The following GPC6 variants were observed in gnomAD, a reference collection of about 807,000 sequenced individuals.
GPC6 encodes the protein glypican 6.
GPC6 carries 14 observed loss-of-function variants against 55.2 expected under a neutral mutation model. The observed-to-expected ratio is 0.25, with a 90% CI of 0.17 to 0.40. The LOEUF (loss-of-function observed/expected upper bound fraction) is 0.40, where lower values mean the gene tolerates loss of function less well. Among genes scored for constraint, GPC6 ranks in the 10% least tolerant of loss-of-function variants. The pLI, the probability that GPC6 is intolerant of heterozygous loss-of-function variation, is 1.00. For synonymous variants in GPC6, 278 were observed against 259.6 expected (o/e 1.07, Z -0.68); for missense variants, 641 against 708.5 (o/e 0.90, Z 1.08).
At chr13:93,342,472 C>A (rs1181136963) in intron 1 of GPC6, among the ~76,000 whole-genome samples, 1 of 152,100 alleles carries the variant, frequency 6.6e-6, no homozygotes, top group Admixed American at 6.5e-5. Flanking sequence ...ATAAGACTTA[C>A]TCACTATCAT....
In GPC6 at chr13:94,125,633, G is replaced by A. The variant is rs149870909; in HGVS notation, c.877+97739G>A. 3.2e-3 allele frequency among the ~76,000 whole-genome samples: 480 copies of A among 152,194 alleles called. 6 individuals carry two copies. Among genetic ancestry groups the A allele is most frequent in the African/African-American group, 0.011 (456 of 41,534 alleles). ...GGAGCAAACCACCCAGGAGAGACCT[G>A]CACTGCTGGCCCAGCCAGGCTGATT... On this transcript the variant is annotated intron_variant, in intron 4 of 8. Coordinates refer to ENST00000377047, the MANE Select transcript of GPC6 (RefSeq NM_005708.5).
At chr13:93,848,086 T>A (rs1179405964) in intron 3 of GPC6, among the ~76,000 whole-genome samples, 1 of 152,162 alleles carries the variant, frequency 6.6e-6, no homozygotes, top group African/African-American at 2.4e-5. Flanking sequence ...CAGCATCCCA[T>A]AATCTTAGCT....
At position 94,218,035 on chromosome 13, in the gene GPC6, G is replaced by T. The variant is rs147273090; in HGVS notation, c.878-68314G>T. 2.6e-3 allele frequency among the ~76,000 whole-genome samples: 395 copies of T among 152,246 alleles called. 3 individuals are homozygous for T. The highest frequency in any genetic ancestry group is 9.1e-3 in the African/African-American group (380 of 41,564). On this transcript the variant is annotated intron_variant, in intron 4 of 8. Transcript: ENST00000377047. ...AATTTAAACACAAGCATGTGGTAAT[G>T]GTTCTATATTGAATTTTAACTCTGA...
rs1275978586 is a variant in GPC6 at position 93,567,707 on chromosome 13, A to G, written c.319+22286A>G. On this transcript the variant is annotated intron_variant, in intron 2 of 8. Coordinates refer to ENST00000377047, the MANE Select transcript of GPC6 (RefSeq NM_005708.5). ...CTTTTAGATTAGAAATTTATATTTC[A>G]GTACATTGCTTCTGAGATAAACTTG... Among the ~76,000 whole-genome samples, 3 of 152,232 alleles carry G rather than the reference A, an allele frequency of 2.0e-5. No homozygotes were observed. The East Asian group carries it at 5.8e-4, about 29-fold the overall frequency.
intron 4 of GPC6, among the ~76,000 whole-genome samples, chr13:94,215,392 A>C (rs1477633262): frequency 6.6e-6 from 1 of 152,202 alleles, no homozygotes; most frequent in African/African-American, 2.4e-5. Flanking sequence ...GTGAGCAGAC[A>C]CACTTGCCCT....
intron 2 of GPC6, among the ~76,000 whole-genome samples, chr13:93,667,712 A>G (rs1176978170): frequency 1.4e-5 from 2 of 138,202 alleles, no homozygotes; most frequent in Non-Finnish European, 3.0e-5. Context: ...ATAGGTGTAA[A>G]CCACCACACC....
chr13:93,523,382 T>A (rs1464608520), intron 1 of GPC6, among the ~76,000 whole-genome samples: 1 of 78,400 alleles, frequency 1.3e-5, no homozygotes, highest in African/African-American at 5.3e-5. Flanking sequence ...TATATGTATG[T>A]ATGTGTATAT....
intron 4 of GPC6, among the ~76,000 whole-genome samples, chr13:94,185,098 C>A (rs1234389908): frequency 6.6e-6 from 1 of 151,930 alleles, no homozygotes; most frequent in Non-Finnish European, 1.5e-5. Flanking sequence ...ATTGAGCACC[C>A]ATGGACATAA....
At chr13:93,548,578 G>A (rs1377027893) in intron 2 of GPC6, among the ~76,000 whole-genome samples, 2 of 152,020 alleles carry the variant, frequency 1.3e-5, no homozygotes, top group Non-Finnish European at 1.5e-5. Context: ...TCTATTTATT[G>A]TCTTACTTTC....
intron 2 of GPC6, among the ~76,000 whole-genome samples, chr13:93,816,729 A>G (rs2138958748): frequency 6.6e-6 from 1 of 152,114 alleles, no homozygotes; most frequent in Non-Finnish European, 1.5e-5. Flanking sequence ...GTACAGAGGA[A>G]AAAAAAACAC....
At chr13:93,773,972 T>C (rs1338824079) in intron 2 of GPC6, among the ~76,000 whole-genome samples, 1 of 152,140 alleles carries the variant, frequency 6.6e-6, no homozygotes, top group Non-Finnish European at 1.5e-5. Flanking sequence ...TAAGAAGACA[T>C]GTTGAGATCA....
chr13:94,128,467 C>A (rs1273079100), intron 4 of GPC6, among the ~76,000 whole-genome samples: 3 of 152,112 alleles, frequency 2.0e-5, no homozygotes, highest in Non-Finnish European at 4.4e-5. Flanking sequence ...GCATTACATG[C>A]CTAATATGAG....
At chr13:94,051,709 A>T (rs970474397) in intron 4 of GPC6, among the ~76,000 whole-genome samples, 1 of 152,206 alleles carries the variant, frequency 6.6e-6, no homozygotes, top group South Asian at 2.1e-4. Context: ...CATTAAAAAA[A>T]GGATAACAAT....
chr13:94,146,115 G>A (rs550474888), intron 4 of GPC6, among the ~76,000 whole-genome samples: 4 of 152,258 alleles, frequency 2.6e-5, no homozygotes, highest in East Asian at 1.9e-4. Flanking sequence ...GTGGAAGCTC[G>A]CAGTGTGATC....
chr13:93,329,247 T>C (rs945399751), intron 1 of GPC6, among the ~76,000 whole-genome samples: 1 of 152,190 alleles, frequency 6.6e-6, no homozygotes, highest in African/African-American at 2.4e-5. Context: ...AAAATTTTCT[T>C]TCTTTCCCTT....
intron 2 of GPC6, among the ~76,000 whole-genome samples, chr13:93,561,677 ACT>A (rs1875819619): frequency 1.3e-5 from 2 of 151,484 alleles, no homozygotes; most frequent in Admixed American, 6.6e-5. Context: ...ACTTAGAAAG[ACT>A]CTCTAGTTTG....
At chr13:93,341,127 T>C (rs1161792787) in intron 1 of GPC6, among the ~76,000 whole-genome samples, 1 of 152,248 alleles carries the variant, frequency 6.6e-6, no homozygotes, top group Non-Finnish European at 1.5e-5. Context: ...GGTGTATATA[T>C]AGCACATTTT....
intron 4 of GPC6, among the ~76,000 whole-genome samples, chr13:94,049,395 C>T (rs1405133745): frequency 6.6e-6 from 1 of 152,074 alleles, no homozygotes; most frequent in Non-Finnish European, 1.5e-5. Context: ...AGAGTGGCAT[C>T]TATGGATTGA....
chr13:93,825,218 C>G (rs1335937608), intron 2 of GPC6, among the ~76,000 whole-genome samples: 1 of 152,144 alleles, frequency 6.6e-6, no homozygotes, highest in African/African-American at 2.4e-5. Context: ...TTGGTTGTGA[C>G]TACTCAGAGA....
Sources: allele counts gnomAD v4.1 joint callset (sites outside exome capture counted in the v4.1 genomes callset), GRCh38; gene constraint gnomAD v4.1.1; transcripts MANE v1.5; gene names NCBI Gene and HGNC (gene_info 2026-07-23, HGNC 2026-07-21).